The following CEP112 variants were observed in gnomAD, a reference collection of about 807,000 sequenced individuals.
CEP112 encodes centrosomal protein 112.
A neutral mutation model predicts 153.0 loss-of-function variants in CEP112; 127 were observed. That is an observed-to-expected ratio of 0.83 (90% CI 0.72 to 0.96). The LOEUF (loss-of-function observed/expected upper bound fraction) is 0.96. CEP112 is among the 40% of genes least tolerant of loss of function. The pLI is 0.00. For missense variants in CEP112, 1,089 were observed against 1,101.2 expected (o/e 0.99, Z 0.16); for synonymous variants, 358 against 374.4 (o/e 0.96, Z 0.51).
intron 21 of CEP112, among the ~76,000 whole-genome samples, chr17:65,842,001 A>G (rs1426842423): frequency 6.6e-6 from 1 of 151,994 alleles, no homozygotes; most frequent in Non-Finnish European, 1.5e-5. Flanking sequence ...CTTTGATGAT[A>G]GCAAATAAGG....
chr17:66,133,439 C>A (rs2070292664), intron 4 of CEP112, among the ~76,000 whole-genome samples: 1 of 152,136 alleles, frequency 6.6e-6, no homozygotes, highest in African/African-American at 2.4e-5. Context: ...TCAGAAACCA[C>A]AGATATATCA....
intron 23 of CEP112, among the ~76,000 whole-genome samples, chr17:65,695,765 C>A (rs1424697098): frequency 6.6e-6 from 1 of 152,164 alleles, no homozygotes; most frequent in Non-Finnish European, 1.5e-5. Flanking sequence ...CAAGACCGGA[C>A]GTCTTTCTAG....
At chr17:65,908,540 C>G (rs1568209583) in intron 19 of CEP112, among the ~76,000 whole-genome samples, 1 of 151,988 alleles carries the variant, frequency 6.6e-6, no homozygotes, top group Non-Finnish European at 1.5e-5. Flanking sequence ...ACCACAAATA[C>G]AAAATTAGCC....
At chr17:65,853,283 C>T (rs992191342) in intron 20 of CEP112, among the ~76,000 whole-genome samples, 1 of 152,008 alleles carries the variant, frequency 6.6e-6, no homozygotes, top group Non-Finnish European at 1.5e-5. Context: ...GTAAATGCAT[C>T]ATTCCAATCA....
chr17:65,709,020 C>T lies in CEP112; in HGVS notation c.2608-19802G>A, dbSNP rs78947425. On this transcript the variant is annotated intron_variant, in intron 23 of 26. Transcript: ENST00000535342. ...CAACGTCTGTTTTATCCTATTTCCC[C>T]GGCTTCAGCTCTTTGTTGCAGGTCT... Among the ~76,000 whole-genome samples, 1,151 of 152,138 alleles carry T rather than the reference C, an allele frequency of 7.6e-3. 18 individuals carry two copies. Among genetic ancestry groups the T allele is most frequent in the African/African-American group, 0.026 (1,080 of 41,498 alleles).
chr17:65,804,986 G>A (rs1418846823), intron 21 of CEP112, among the ~76,000 whole-genome samples: 2 of 151,778 alleles, frequency 1.3e-5, no homozygotes, highest in African/African-American at 2.4e-5. Flanking sequence ...GTAGATTGCA[G>A]TACAGGTGCA....
chr17:65,962,283 T>A (rs922395253), intron 17 of CEP112, among the ~76,000 whole-genome samples: 9 of 151,236 alleles, frequency 6.0e-5, no homozygotes, highest in Non-Finnish European at 8.8e-5. Flanking sequence ...GTTTTTTTTT[T>A]AAAACAATGT....
chr17:65,722,089 G>A (rs1486779219), intron 23 of CEP112, among the ~76,000 whole-genome samples: 1 of 152,166 alleles, frequency 6.6e-6, no homozygotes, highest in South Asian at 2.1e-4. Flanking sequence ...TGGAGTAGGA[G>A]GGGAAGACCA....
At chr17:66,156,270 C>G (rs2071436035) in intron 4 of CEP112, among the ~76,000 whole-genome samples, 1 of 152,118 alleles carries the variant, frequency 6.6e-6, no homozygotes, top group African/African-American at 2.4e-5. Context: ...CCAGAAAACT[C>G]CAGCAGACCT....
intron 18 of CEP112, among the ~76,000 whole-genome samples, chr17:65,928,281 G>A (rs2061000864): frequency 6.6e-6 from 1 of 152,150 alleles, no homozygotes. Context: ...ATAGTAACAA[G>A]TATTGGTAAA....
At chr17:65,860,255 C>T (rs1048290186) in intron 20 of CEP112, among the ~76,000 whole-genome samples, 2 of 151,806 alleles carry the variant, frequency 1.3e-5, no homozygotes, top group African/African-American at 4.8e-5. Context: ...TGTGCAAAAC[C>T]CTAAGGAAAA....
intron 23 of CEP112, among the ~76,000 whole-genome samples, chr17:65,729,391 G>A (rs1598414138): frequency 6.6e-6 from 1 of 152,034 alleles, no homozygotes; most frequent in Non-Finnish European, 1.5e-5. Flanking sequence ...CACCTATGTA[G>A]CATATATGAG....
chr17:65,997,232 T>C (rs143144330), intron 17 of CEP112, among the ~76,000 whole-genome samples: 1 of 152,192 alleles, frequency 6.6e-6, no homozygotes, highest in East Asian at 1.9e-4. Context: ...ATAATCCTAA[T>C]TGTACACTTA....
At chr17:65,717,329 A>G (rs1437864740) in intron 23 of CEP112, among the ~76,000 whole-genome samples, 1 of 152,156 alleles carries the variant, frequency 6.6e-6, no homozygotes, top group African/African-American at 2.4e-5. Context: ...CCTGTCTTTA[A>G]TCTAGAATGA....
At chr17:65,908,277 C>T (rs2060155804) in intron 19 of CEP112, among the ~76,000 whole-genome samples, 1 of 152,162 alleles carries the variant, frequency 6.6e-6, no homozygotes, top group Non-Finnish European at 1.5e-5. Context: ...CCCTCATGTG[C>T]AAGCACCTGG....
chr17:65,699,199 C>A (rs960718669), intron 23 of CEP112, among the ~76,000 whole-genome samples: 1 of 152,226 alleles, frequency 6.6e-6, no homozygotes, highest in South Asian at 2.1e-4. Flanking sequence ...GCGGCCTTTG[C>A]CCCTCCATTA....
intron 21 of CEP112, among the ~76,000 whole-genome samples, chr17:65,768,498 A>C (rs8076925): frequency 0.48 from 73,490 of 151,974 alleles, 19,412 homozygotes; most frequent in East Asian, 0.78. Flanking sequence ...CTAAGCCAGA[A>C]AAAGCAACAT....
rs768248851 is a variant in CEP112, at chr17:66,069,990, T to C, written c.780A>G (p.Lys260=). 3.9e-5 allele frequency: 62 copies of C among 1,601,116 alleles called. No homozygotes were observed. Among genetic ancestry groups the C allele is most frequent in the Non-Finnish European group, 4.4e-5 (52 of 1,171,194 alleles). ...GAAATTTAGCTTCCATCATTTTTGT[T>C]TTCATGTCCAGCTTCAAGAAAAATA... is the stretch of plus-strand genomic sequence containing the variant. The part of the protein sequence containing the change: ...SRIREKELDM[K]TKMMEAKFHE... The change falls in exon 9 of 27, where the codon AAA becomes AAG. Residue 260 remains lysine (K), a synonymous_variant. Coordinates refer to ENST00000535342, the MANE Select transcript of CEP112 (RefSeq NM_001199165.4).
At chr17:66,021,873 C>T (rs2065013014) in intron 16 of CEP112, among the ~76,000 whole-genome samples, 5 of 152,122 alleles carry the variant, frequency 3.3e-5, no homozygotes, top group Admixed American at 3.3e-4. Flanking sequence ...AAGTACTTCT[C>T]ATGGTTAACA....
Sources: gnomAD v4.1 joint callset for allele counts (sites outside exome capture counted in the v4.1 genomes callset) on GRCh38, gnomAD v4.1.1 for gene constraint, MANE v1.5 for transcripts, NCBI Gene and HGNC (gene_info 2026-07-23, HGNC 2026-07-21) for gene names.